The following CNOT1 variants were observed in gnomAD, a reference collection of about 807,000 sequenced individuals.
CNOT1 encodes CCR4-NOT transcription complex subunit 1, also known as CCR4-associated factor 1.
CNOT1 carries 15 observed loss-of-function variants against 273.8 expected under a neutral mutation model. The observed-to-expected ratio is 0.05, with a 90% CI of 0.04 to 0.08. The LOEUF (loss-of-function observed/expected upper bound fraction) is 0.08, where lower values mean the gene tolerates loss of function less well. Among genes scored for constraint, CNOT1 ranks in the 10% least tolerant of loss-of-function variants. The pLI is 1.00. For synonymous variants in CNOT1, 1,022 were observed against 1,005.5 expected (o/e 1.02, Z -0.31); for missense variants, 1,644 against 2,912.2 (o/e 0.56, Z 10.02).
chr16:58,536,444 T>C (rs2039933876), intron 39 of CNOT1, among the ~76,000 whole-genome samples: 1 of 152,204 alleles, frequency 6.6e-6, no homozygotes, highest in South Asian at 2.1e-4. Flanking sequence ...CCTGCCAAAC[T>C]TGATTTTCAG....
chr16:58,521,391 T>G, intron 47 of CNOT1, 74 bp from the exon 48 acceptor site: 1 of 1,460,678 alleles, frequency 6.8e-7, no homozygotes, highest in South Asian at 1.3e-5. Context: ...ATTACTTTTT[T>G]TCTAACTTCT....
In CNOT1 at chr16:58,621,350, C is replaced by T. The variant is rs552871487; in HGVS notation, c.-175+8378G>A. 6.3e-4 allele frequency among the ~76,000 whole-genome samples: 96 copies of T among 151,994 alleles called. 1 individual carries two copies. The highest frequency in any genetic ancestry group is 2.2e-3 in the African/African-American group (91 of 41,474). ...GTGCAATGGTGCAATCTCGGCTCAC[C>T]GCAACCTCCACCTCCCAGGGTCCAG... is the stretch of plus-strand genomic sequence containing the variant. On this transcript the variant is annotated intron_variant, in intron 1 of 48. Transcript: ENST00000317147.
In CNOT1 at chr16:58,547,194, G is replaced by A. The variant is rs1329047920; in HGVS notation, c.3742C>T (p.Arg1248Cys). ...TATTAAAATCTACTCACCACACTAC[G>A]AATGCTAGATTCTAAGACTTTGGCA... The part of the protein sequence containing the change: ...FVAKVLESSI[R>C]SVVFRPPNPW... Residue 1248 changes from arginine (R) to cysteine (C), a missense_variant, in exon 27 of 49, where the codon CGT (arginine) becomes TGT (cysteine). Arg to Cys is a radical substitution (Grantham distance 180). Transcript: ENST00000317147. The surrounding 1 kb of genome is among the most constrained non-coding windows in gnomAD (Gnocchi z 4.0). 3 of 1,612,068 alleles carry A rather than the reference G, an allele frequency of 1.9e-6. No homozygotes were observed. Among genetic ancestry groups the A allele is most frequent in the Non-Finnish European group, 1.7e-6 (2 of 1,179,188 alleles).
Position 58,555,616 on chromosome 16 carries a change from G to A in CNOT1, c.2605-79C>T. ...CCTTTCTCAAATATGCTTAACAAAA[G>A]ACTATTAAGTAGAACATTTACCAAA... On this transcript the variant is annotated intron_variant, in intron 20 of 48. Coordinates refer to ENST00000317147, the MANE Select transcript of CNOT1 (RefSeq NM_016284.5). The A allele has an allele frequency of 8.4e-6, 13 of 1,551,986 alleles. No individual in the cohort carries two copies. In the South Asian group the frequency reaches 1.5e-4, roughly 18 times the overall value.
At chr16:58,548,706 C>T (rs776244962) in intron 25 of CNOT1, 2 of 446,068 alleles carry the variant, frequency 4.5e-6, no homozygotes, top group Non-Finnish European at 8.8e-6. Flanking sequence ...AGAAGTTTTT[C>T]CTCCTAAGAA....
At chr16:58,522,691 A>C (rs1329721450) in intron 47 of CNOT1, among the ~76,000 whole-genome samples, 1 of 152,248 alleles carries the variant, frequency 6.6e-6, no homozygotes. Context: ...AGAGGTAATG[A>C]GGAAAAGTCC....
intron 33 of CNOT1, 108 bp from the exon 34 acceptor site, chr16:58,541,728 T>A: frequency 9.5e-7 from 1 of 1,054,634 alleles, no homozygotes; most frequent in Non-Finnish European, 1.4e-6. Flanking sequence ...CAAGAGTCAT[T>A]ACAACATATA....
intron 2 of CNOT1, 130 bp from the exon 3 acceptor site, chr16:58,589,036 A>T: frequency 8.2e-7 from 1 of 1,222,884 alleles, no homozygotes; most frequent in Non-Finnish European, 1.1e-6. Context: ...TTTGAATTAA[A>T]GTTAAAGGAA....
At chr16:58,583,535 G>C (rs575495828) in intron 8 of CNOT1, among the ~76,000 whole-genome samples, 6 of 152,302 alleles carry the variant, frequency 3.9e-5, no homozygotes, top group South Asian at 4.1e-4. Flanking sequence ...TCTGTGGCCT[G>C]TTAGAAATCA....
At chr16:58,588,018 G>T (rs897830660) in intron 3 of CNOT1, 140 bp from the exon 4 acceptor site, 2 of 873,892 alleles carry the variant, frequency 2.3e-6, no homozygotes, top group South Asian at 3.8e-5. Context: ...TAAAAATCTC[G>T]CCAGGTGCGG....
At chr16:58,526,944 C>G (rs562711637) in intron 44 of CNOT1, among the ~76,000 whole-genome samples, 1 of 151,282 alleles carries the variant, frequency 6.6e-6, no homozygotes, top group Non-Finnish European at 1.5e-5. Flanking sequence ...GGCAGGAGGA[C>G]GGCTTGAGCA....
chr16:58,622,575 A>G (rs1368266892), intron 1 of CNOT1, among the ~76,000 whole-genome samples: 2 of 152,120 alleles, frequency 1.3e-5, no homozygotes, highest in Admixed American at 1.3e-4. Flanking sequence ...TAAGAATATT[A>G]TAGGCTCACG....
At position 58,588,692 on chromosome 16, in the gene CNOT1, TC is replaced by T. The variant is rs34716647; in HGVS notation, c.210+106del. 0.74 allele frequency: 1,034,840 copies of T among 1,399,892 alleles called. 384,998 individuals carry two copies. The highest frequency in any genetic ancestry group is 0.85 in the African/African-American group (58,739 of 69,430). The allele number at this position is 1,399,892 out of a possible 1,614,324, so 86.7% of individuals were successfully genotyped here. On this transcript the variant is annotated intron_variant, in intron 3 of 48. Transcript: ENST00000317147. ...ACACCTTTTCACCATCCAGCTACAA[TC>T]ACTTCCGGATGCTATTTTGTACGTG... is the stretch of plus-strand genomic sequence containing the variant.
At position 58,533,901 on chromosome 16, in the gene CNOT1, A is replaced by G. The variant is rs7192581; in HGVS notation, c.5895+246T>C. 2.6e-3 allele frequency among the ~76,000 whole-genome samples: 399 copies of G among 152,226 alleles called. 2 individuals carry two copies. Among genetic ancestry groups the G allele is most frequent in the African/African-American group, 9.0e-3 (372 of 41,530 alleles). ...TCCCAGCACTACGGGAAGCCAAGGC[A>G]GGTGGATCACTCGAGGCCAGAAGTT... is the stretch of plus-strand genomic sequence containing the variant. On this transcript the variant is annotated intron_variant, in intron 40 of 48. Transcript: ENST00000317147.
intron 2 of CNOT1, chr16:58,597,579 T>A (rs1159046915): frequency 3.1e-6 from 1 of 324,144 alleles, no homozygotes; most frequent in Non-Finnish European, 6.0e-6. Flanking sequence ...AAGAAAACTT[T>A]CAGCTATCTT....
intron 21 of CNOT1, 75 bp from the exon 22 acceptor site, chr16:58,553,935 G>A: frequency 6.8e-7 from 1 of 1,474,300 alleles, no homozygotes; most frequent in Non-Finnish European, 9.0e-7. Context: ...TTGTCCAAAT[G>A]CTAATCTAGG....
chr16:58,584,037 G>A (rs1016984670), intron 8 of CNOT1, among the ~76,000 whole-genome samples: 3 of 151,054 alleles, frequency 2.0e-5, no homozygotes, highest in East Asian at 2.1e-4. Context: ...GCATGGTGGC[G>A]CTCACCTGTA....
chr16:58,539,719 A>T (rs1478394731), intron 35 of CNOT1, 49 bp downstream of exon 35: 1 of 1,524,462 alleles, frequency 6.6e-7, no homozygotes, highest in Non-Finnish European at 8.9e-7. Context: ...CAGGTCAATA[A>T]ATGTTTACAC....
chr16:58,525,939 A>G lies in CNOT1; in HGVS notation c.6603+50T>C, dbSNP rs533614606. The stretch of plus-strand genomic sequence containing the variant: ...GACCACACACAGGACCATACATAGA[A>G]AGTGCTTTATATGGAAGACGTAGAT... On this transcript the variant is annotated intron_variant, in intron 45 of 48. Transcript: ENST00000317147. 1.2e-3 allele frequency: 1,799 copies of G among 1,549,110 alleles called. 7 individuals are homozygous for G. The highest frequency in any genetic ancestry group is 1.9e-3 in the South Asian group (165 of 88,428).
Sources: gnomAD v4.1 joint callset for allele counts (sites outside exome capture counted in the v4.1 genomes callset) on GRCh38, gnomAD v4.1.1 for gene constraint, Gnocchi (gnomAD v3.1) non-coding constraint, MANE v1.5 for transcripts, NCBI Gene and HGNC (gene_info 2026-07-23, HGNC 2026-07-21) for gene names.